ROBO2: variants seen among roughly 807,000 people sequenced by gnomAD.
The protein encoded by ROBO2 is roundabout guidance receptor 2.
Under a neutral mutation model 160.8 loss-of-function variants are expected in ROBO2, and 53 were observed. The ratio of observed to expected loss-of-function variants is 0.33; its 90% CI spans 0.26 to 0.41. The LOEUF (loss-of-function observed/expected upper bound fraction) is 0.41. Among genes scored for constraint, ROBO2 ranks in the 10% least tolerant of loss-of-function variants. ROBO2 has a pLI of 1.00. For missense variants in ROBO2, 1,577 were observed against 1,722.4 expected (o/e 0.92, Z 1.49); for synonymous variants, 664 against 611.7 (o/e 1.09, Z -1.26).
At chr3:77,278,811 C>T (rs1228399047) in intron 2 of ROBO2, among the ~76,000 whole-genome samples, 3 of 151,908 alleles carry the variant, frequency 2.0e-5, no homozygotes, top group Non-Finnish European at 2.9e-5. Context: ...GCAATAAGTA[C>T]AAAAATAAAA....
At chr3:76,906,541 G>A (rs2075616495) in intron 2 of ROBO2, among the ~76,000 whole-genome samples, 1 of 151,750 alleles carries the variant, frequency 6.6e-6, no homozygotes, top group Non-Finnish European at 1.5e-5. Context: ...CACATAGTAT[G>A]TAATATATAT....
chr3:77,188,345 C>G (rs1434613362), intron 2 of ROBO2, among the ~76,000 whole-genome samples: 1 of 151,584 alleles, frequency 6.6e-6, no homozygotes, highest in East Asian at 1.9e-4. Flanking sequence ...AACAGAGCTA[C>G]CTTTACCCTA....
At chr3:77,214,777 G>A (rs1360621674) in intron 2 of ROBO2, among the ~76,000 whole-genome samples, 4 of 152,096 alleles carry the variant, frequency 2.6e-5, no homozygotes, top group Non-Finnish European at 5.9e-5. Flanking sequence ...CAGGCCTGGT[G>A]GTGACAAAAT....
chr3:76,087,513 G>A (rs778408886), intron 2 of ROBO2, among the ~76,000 whole-genome samples: 61 of 151,200 alleles, frequency 4.0e-4, no homozygotes, highest in Non-Finnish European at 6.6e-4. Flanking sequence ...TGCAAGAAAT[G>A]TTAAAAAAAA....
At chr3:76,115,291 A>G (rs1424172011) in intron 2 of ROBO2, among the ~76,000 whole-genome samples, 1 of 152,146 alleles carries the variant, frequency 6.6e-6, no homozygotes, top group Non-Finnish European at 1.5e-5. Flanking sequence ...TTAAAAAATG[A>G]ATGTGGCAAC....
intron 2 of ROBO2, among the ~76,000 whole-genome samples, chr3:76,327,449 AC>A (rs2073120463): frequency 6.6e-6 from 1 of 152,204 alleles, no homozygotes; most frequent in Non-Finnish European, 1.5e-5. Flanking sequence ...TTTGATAATG[AC>A]AGATTATTAA....
At chr3:76,288,458 A>G (rs1346422318) in intron 2 of ROBO2, among the ~76,000 whole-genome samples, 1 of 152,042 alleles carries the variant, frequency 6.6e-6, no homozygotes, top group Non-Finnish European at 1.5e-5. Context: ...CCATTAACAA[A>G]GGTTGGTGTT....
intron 2 of ROBO2, chr3:77,317,089 C>A: frequency 1.4e-6 from 2 of 1,380,990 alleles, no homozygotes; most frequent in Non-Finnish European, 2.1e-6. Flanking sequence ...AGTCCTGTAG[C>A]CAACTGCAAA....
At chr3:76,334,829 T>C (rs907323423) in intron 2 of ROBO2, among the ~76,000 whole-genome samples, 3 of 152,100 alleles carry the variant, frequency 2.0e-5, no homozygotes, top group African/African-American at 2.4e-5. Flanking sequence ...GAAAAATTAA[T>C]GATTTAGTAA....
In ROBO2 at chr3:77,509,368, G is replaced by A. The variant is rs527533968; in HGVS notation, c.807-13407G>A. Among the ~76,000 whole-genome samples, 388 of 152,156 alleles carry A rather than the reference G, an allele frequency of 2.6e-3. 1 individual carries two copies. Among genetic ancestry groups the A allele is most frequent in the African/African-American group, 9.0e-3 (373 of 41,524 alleles). ...GCTTAACAATCCCGCATACATTAGG[G>A]TATGGTTTCCTTCATAAGGTTTTCA... On this transcript the variant is annotated intron_variant, in intron 5 of 25. Transcript: ENST00000461745.
intron 2 of ROBO2, among the ~76,000 whole-genome samples, chr3:77,219,338 T>G (rs2085411238): frequency 6.6e-6 from 1 of 151,232 alleles, no homozygotes; most frequent in Non-Finnish European, 1.5e-5. Flanking sequence ...GTTCTCCTTC[T>G]TTTGCAATTT....
At chr3:76,146,305 C>A (rs1001112765) in intron 2 of ROBO2, among the ~76,000 whole-genome samples, 1 of 151,962 alleles carries the variant, frequency 6.6e-6, no homozygotes, top group African/African-American at 2.4e-5. Flanking sequence ...ATTTCCATCC[C>A]TTTTGTGGCT....
chr3:77,634,638 T>G, intron 23 of ROBO2: 1 of 518,284 alleles, frequency 1.9e-6, no homozygotes, highest in South Asian at 2.1e-5. Context: ...GTTCATTTGT[T>G]TGATTTTGAG....
At chr3:77,243,321 T>G (rs940519614) in intron 2 of ROBO2, among the ~76,000 whole-genome samples, 3 of 152,184 alleles carry the variant, frequency 2.0e-5, no homozygotes, top group Non-Finnish European at 4.4e-5. Context: ...CTTTGAATAA[T>G]CATTTAGATC....
chr3:76,147,047 C>G (rs1291561997), intron 2 of ROBO2, among the ~76,000 whole-genome samples: 1 of 151,096 alleles, frequency 6.6e-6, no homozygotes, highest in African/African-American at 2.4e-5. Flanking sequence ...GTAAAATAAT[C>G]TGTACAGCAA....
At chr3:76,217,710 T>G (rs1362880379) in intron 2 of ROBO2, among the ~76,000 whole-genome samples, 2 of 152,054 alleles carry the variant, frequency 1.3e-5, no homozygotes. Flanking sequence ...CAGATGGATA[T>G]ACAGCGGAAT....
At chr3:76,411,107 T>G (rs2075463616) in intron 2 of ROBO2, among the ~76,000 whole-genome samples, 1 of 151,990 alleles carries the variant, frequency 6.6e-6, no homozygotes, top group Non-Finnish European at 1.5e-5. Flanking sequence ...GATGACAAAG[T>G]CCAATGGCCA....
At chr3:77,367,929 GT>G (rs140815666) in intron 2 of ROBO2, among the ~76,000 whole-genome samples, 6,460 of 152,132 alleles carry the variant, frequency 0.042, 424 homozygotes, top group African/African-American at 0.14. Flanking sequence ...TGTGAGTTTC[GT>G]TTTATGGAAA....
chr3:76,598,901 T>C (rs150234073), intron 2 of ROBO2, among the ~76,000 whole-genome samples: 39 of 152,288 alleles, frequency 2.6e-4, no homozygotes, highest in African/African-American at 9.1e-4. Context: ...ACTAAGAAAG[T>C]ATATAATAAC....
Sources: allele counts gnomAD v4.1 joint callset (sites outside exome capture counted in the v4.1 genomes callset), GRCh38; gene constraint gnomAD v4.1.1; transcripts MANE v1.5; gene names NCBI Gene and HGNC (gene_info 2026-07-23, HGNC 2026-07-21).